SNTG1: variants seen among roughly 807,000 people sequenced by gnomAD.
SNTG1 encodes gamma-1-syntrophin.
In SNTG1, 39 loss-of-function variants were observed where a neutral mutation model predicts 74.7. The observed-to-expected ratio is 0.52, with a 90% CI of 0.40 to 0.68. The LOEUF (loss-of-function observed/expected upper bound fraction) is 0.68. Among genes scored for constraint, SNTG1 ranks in the 30% least tolerant of loss-of-function variants. SNTG1 has a pLI of 0.00. For missense variants in SNTG1, 685 were observed against 609.5 expected, an observed-to-expected ratio of 1.12 and a Z score of -1.30; for synonymous variants, 254 against 217.1, an observed-to-expected ratio of 1.17 and a Z score of -1.49.
In SNTG1 at chr8:50,220,181, T is replaced by C. The variant is rs554175857; in HGVS notation, c.-28+47546T>C. Among the ~76,000 whole-genome samples, 37 of 152,144 alleles carry C rather than the reference T, an allele frequency of 2.4e-4. 1 individual carries two copies. The highest frequency in any genetic ancestry group is 8.7e-4 in the African/African-American group (36 of 41,530). On this transcript the variant is annotated intron_variant, in intron 2 of 18. Coordinates refer to ENST00000642720, the MANE Select transcript of SNTG1 (RefSeq NM_018967.5). ...TTTATTGATCATGATACCACAATCCTCAACATCACATGAAATATGAAGATA... is the reference window on the plus strand; with the variant it reads ...TTTATTGATCATGATACCACAATCCCCAACATCACATGAAATATGAAGATA...
At chr8:50,395,453 C>T (rs1343789496) in intron 3 of SNTG1, among the ~76,000 whole-genome samples, 2 of 148,216 alleles carry the variant, frequency 1.3e-5, no homozygotes, top group Admixed American at 1.4e-4. Flanking sequence ...TTTTTAAAAA[C>T]TGAATTAATG....
chr8:50,564,272 T>C (rs76109591), intron 12 of SNTG1, among the ~76,000 whole-genome samples: 4,818 of 152,224 alleles, frequency 0.032, 123 homozygotes, highest in African/African-American at 0.058. Context: ...ATTATTGTAA[T>C]TGTCATGAGC....
chr8:50,582,420 T>C (rs2094616298), intron 12 of SNTG1, among the ~76,000 whole-genome samples: 1 of 152,144 alleles, frequency 6.6e-6, no homozygotes, highest in Non-Finnish European at 1.5e-5. Flanking sequence ...AGTATTAAAA[T>C]AAGCAGTTAT....
intron 4 of SNTG1, among the ~76,000 whole-genome samples, chr8:50,434,975 G>A (rs931996392): frequency 1.3e-5 from 2 of 151,902 alleles, no homozygotes; most frequent in Admixed American, 6.6e-5. Context: ...CAATACCTGA[G>A]ATATGTGATG....
intron 2 of SNTG1, among the ~76,000 whole-genome samples, chr8:50,357,047 AC>A (rs2091837129): frequency 6.6e-6 from 1 of 152,194 alleles, no homozygotes. Context: ...TAGCACATGA[AC>A]TTTTTTTCTC....
intron 1 of SNTG1, among the ~76,000 whole-genome samples, chr8:49,926,896 G>A (rs1467302811): frequency 6.6e-6 from 1 of 151,926 alleles, no homozygotes; most frequent in African/African-American, 2.4e-5. Flanking sequence ...CCCAACAATA[G>A]GAAAATAAAC....
chr8:50,565,288 T>C (rs2130718319), intron 12 of SNTG1, among the ~76,000 whole-genome samples: 1 of 152,148 alleles, frequency 6.6e-6, no homozygotes, highest in African/African-American at 2.4e-5. Context: ...AAAAAATGTT[T>C]GGTAAAACCT....
chr8:50,552,978 C>A (rs2094435705), intron 11 of SNTG1, 72 bp from the exon 12 acceptor site: 2 of 1,556,912 alleles, frequency 1.3e-6, no homozygotes, highest in African/African-American at 2.7e-5. Context: ...AGCTTTTCAA[C>A]AGATACTATT....
chr8:50,014,350 AAC>A (rs1218800300), intron 1 of SNTG1, among the ~76,000 whole-genome samples: 1 of 152,120 alleles, frequency 6.6e-6, no homozygotes, highest in Non-Finnish European at 1.5e-5. Context: ...TTATTACAGA[AAC>A]AATAGAAAAC....
intron 13 of SNTG1, among the ~76,000 whole-genome samples, chr8:50,654,651 G>A (rs2095169357): frequency 1.3e-5 from 2 of 152,004 alleles, no homozygotes; most frequent in African/African-American, 4.8e-5. Context: ...TCTCTTCCAA[G>A]AAACAAGTCT....
intron 8 of SNTG1, among the ~76,000 whole-genome samples, chr8:50,476,631 T>C (rs1435200505): frequency 3.9e-5 from 6 of 152,126 alleles, no homozygotes; most frequent in African/African-American, 1.4e-4. Flanking sequence ...ATATAAGTCA[T>C]TGCACATAGA....
At chr8:49,976,495 A>C (rs1340778731) in intron 1 of SNTG1, among the ~76,000 whole-genome samples, 1 of 152,124 alleles carries the variant, frequency 6.6e-6, no homozygotes, top group East Asian at 1.9e-4. Flanking sequence ...GGAGGATAGG[A>C]GGAACAGGAA....
chr8:50,129,544 A>G (rs1267943359), intron 1 of SNTG1, among the ~76,000 whole-genome samples: 1 of 152,082 alleles, frequency 6.6e-6, no homozygotes, highest in Non-Finnish European at 1.5e-5. Context: ...TATGGGTAAC[A>G]ATTTTACCTA....
chr8:50,578,869 C>A (rs937405842), intron 12 of SNTG1, among the ~76,000 whole-genome samples: 3 of 152,104 alleles, frequency 2.0e-5, no homozygotes, highest in Non-Finnish European at 4.4e-5. Flanking sequence ...TCTTAATTAG[C>A]AGTGTGAAGA....
intron 4 of SNTG1, among the ~76,000 whole-genome samples, chr8:50,433,221 G>T (rs1261296011): frequency 2.6e-5 from 4 of 152,048 alleles, no homozygotes; most frequent in African/African-American, 7.2e-5. Context: ...CTATGAACTT[G>T]CTATAATTAC....
chr8:50,459,043 GT>G (rs2093535159), intron 8 of SNTG1, among the ~76,000 whole-genome samples: 1 of 152,068 alleles, frequency 6.6e-6, no homozygotes, highest in African/African-American at 2.4e-5. Context: ...CGGTTTTATA[GT>G]TTTAACTCTT....
chr8:50,427,574 T>C (rs1237826572), intron 4 of SNTG1, among the ~76,000 whole-genome samples: 1 of 152,074 alleles, frequency 6.6e-6, no homozygotes, highest in Non-Finnish European at 1.5e-5. Flanking sequence ...TACAGGTGCA[T>C]ACCACCATGC....
chr8:50,080,730 T>G (rs1000094226), intron 1 of SNTG1, among the ~76,000 whole-genome samples: 1 of 152,112 alleles, frequency 6.6e-6, no homozygotes, highest in Non-Finnish European at 1.5e-5. Context: ...AATTTGTTAT[T>G]GTAGTATGAA....
intron 2 of SNTG1, among the ~76,000 whole-genome samples, chr8:50,289,465 T>C (rs924320270): frequency 6.6e-6 from 1 of 152,226 alleles, no homozygotes; most frequent in Non-Finnish European, 1.5e-5. Flanking sequence ...CTCTTGCTTA[T>C]ACCTTAGTTA....
Sources: allele counts gnomAD v4.1 joint callset (sites outside exome capture counted in the v4.1 genomes callset), GRCh38; gene constraint gnomAD v4.1.1; transcripts MANE v1.5; gene names NCBI Gene and HGNC (gene_info 2026-07-23, HGNC 2026-07-21).